Variants in OR1F1 observed in about 807,000 individuals in gnomAD.
OR1F1 encodes olfactory receptor family 1 subfamily F member 1.
For synonymous variants in OR1F1, 184 were observed against 156.7 expected, an observed-to-expected ratio of 1.17 and a Z score of -1.30; for missense variants, 493 against 376.3, an observed-to-expected ratio of 1.31 and a Z score of -2.57.
chr16:3,195,923 A>C, the OR1F1 span, among the ~76,000 whole-genome samples: 1 of 152,204 alleles, frequency 6.6e-6, no homozygotes, highest in Non-Finnish European at 1.5e-5. Context: ...CTGGGTGCGC[A>C]GCCCCACCAG....
downstream of OR1F1, chr16:3,205,251 G>C (rs964185492): frequency 5.3e-6 from 6 of 1,138,572 alleles, no homozygotes; most frequent in Non-Finnish European, 2.5e-6. Context: ...GTTTAATGCA[G>C]TAGTTGTTTC....
the OR1F1 span, among the ~76,000 whole-genome samples, chr16:3,193,334 C>A: frequency 6.6e-6 from 1 of 152,354 alleles, no homozygotes; most frequent in East Asian, 1.9e-4. Flanking sequence ...CACCGACGCA[C>A]CCAGCCCGAG....
downstream of OR1F1, chr16:3,205,239 G>C: frequency 7.6e-7 from 1 of 1,315,084 alleles, no homozygotes; most frequent in Non-Finnish European, 1.1e-6. Context: ...TTCACCAATT[G>C]AGTTTAATGC....
the OR1F1 span, among the ~76,000 whole-genome samples, chr16:3,196,685 G>A: frequency 6.6e-6 from 1 of 150,984 alleles, no homozygotes; most frequent in East Asian, 2.0e-4. Context: ...ACCACGACTG[G>A]CGGTGAAATT....
upstream of OR1F1, among the ~76,000 whole-genome samples, chr16:3,201,611 C>T (rs565086107): frequency 4.5e-4 from 68 of 152,272 alleles, no homozygotes; most frequent in Middle Eastern, 6.8e-3. Context: ...GCTGATGATC[C>T]AGAATGATGA....
chr16:3,192,430 G>T, the OR1F1 span, among the ~76,000 whole-genome samples: 10 of 152,210 alleles, frequency 6.6e-5, no homozygotes, highest in African/African-American at 2.4e-4. Flanking sequence ...GGATTTCTCT[G>T]CTTCAATTTA....
At position 3,204,444 on chromosome 16, in the gene OR1F1, G is replaced by C. The variant is rs143258202; in HGVS notation, c.198G>C (p.Leu66=). The change falls in exon 1 of 1, where the codon CTG becomes CTC. Residue 66 remains leucine (L), a synonymous_variant. Transcript: ENST00000304646. Reference sequence around the variant, plus strand: ...CCATGTACTTCTTCCTCAGCAACCTGTCTTTTGTGGACATCTGCTTCTCCT... The same window carrying C: ...CCATGTACTTCTTCCTCAGCAACCTCTCTTTTGTGGACATCTGCTTCTCCT... 32 of 1,614,122 alleles carry C rather than the reference G, an allele frequency of 2.0e-5. No homozygotes were observed. The African/African-American group carries it at 2.5e-4, about 13-fold the overall frequency.
the OR1F1 span, among the ~76,000 whole-genome samples, chr16:3,189,111 C>T: frequency 6.6e-6 from 1 of 152,194 alleles, no homozygotes; most frequent in African/African-American, 2.4e-5. Context: ...TTTGGCTTCC[C>T]TGGGGAGAAG....
At chr16:3,198,302 A>G in the OR1F1 span, among the ~76,000 whole-genome samples, 1 of 152,272 alleles carries the variant, frequency 6.6e-6, no homozygotes, top group South Asian at 2.1e-4. Context: ...GCTAGCAGGC[A>G]GGAGGCCCAG....
At chr16:3,192,519 C>T in the OR1F1 span, among the ~76,000 whole-genome samples, 2 of 152,290 alleles carry the variant, frequency 1.3e-5, no homozygotes, top group East Asian at 1.9e-4. Context: ...TCTGAGGTCC[C>T]GGAAGCCTCA....
upstream of OR1F1, chr16:3,204,210 CTTCT>C (rs753890209): frequency 6.7e-7 from 1 of 1,497,630 alleles, no homozygotes; most frequent in South Asian, 1.3e-5. Flanking sequence ...TGCATTTCGT[CTTCT>C]TTGTCTGCCT....
At chr16:3,189,363 G>C in the OR1F1 span, among the ~76,000 whole-genome samples, 1 of 151,714 alleles carries the variant, frequency 6.6e-6, no homozygotes, top group Non-Finnish European at 1.5e-5. Flanking sequence ...CCTCGGAGAC[G>C]CCGAATCCCC....
the OR1F1 span, among the ~76,000 whole-genome samples, chr16:3,198,204 A>G: frequency 6.6e-6 from 1 of 151,982 alleles, no homozygotes; most frequent in African/African-American, 2.4e-5. Flanking sequence ...TGGCTCACGC[A>G]GATGGAGGCT....
upstream of OR1F1, among the ~76,000 whole-genome samples, chr16:3,200,443 C>T (rs981514386): frequency 2.6e-5 from 4 of 152,118 alleles, no homozygotes; most frequent in East Asian, 1.9e-4. Flanking sequence ...TCTGTCTCTA[C>T]TAAAAATACA....
At chr16:3,205,745 T>C (rs1477795538), downstream of OR1F1, among the ~76,000 whole-genome samples, 1 of 152,232 alleles carries the variant, frequency 6.6e-6, no homozygotes, top group African/African-American at 2.4e-5. Flanking sequence ...TTAACACTTA[T>C]AATTTCTCAT....
At chr16:3,188,777 G>T in the OR1F1 span, among the ~76,000 whole-genome samples, 6 of 152,242 alleles carry the variant, frequency 3.9e-5, no homozygotes, top group African/African-American at 1.4e-4. Flanking sequence ...TGGATACAGG[G>T]AAGGGCAGAG....
exon 1 of OR1F1, chr16:3,204,834 G>A (rs749328748): frequency 1.9e-6 from 3 of 1,613,962 alleles, no homozygotes; most frequent in Non-Finnish European, 2.5e-6. Context: ...ACCTCAATGA[G>A]GTCATAATCC....
At chr16:3,204,249 G>A in exon 1 of OR1F1, 2 of 1,594,348 alleles carry the variant, frequency 1.3e-6, no homozygotes, top group Non-Finnish European at 1.7e-6. Context: ...CCAGGCCCAT[G>A]AGCGGGACAA....
At chr16:3,197,181 T>C in the OR1F1 span, among the ~76,000 whole-genome samples, 13,175 of 151,450 alleles carry the variant, frequency 0.087, 1,905 homozygotes, top group African/African-American at 0.3. Flanking sequence ...TGGCATTTTT[T>C]TTTTTTTTTG....
Sources: allele counts gnomAD v4.1 joint callset (sites outside exome capture counted in the v4.1 genomes callset), GRCh38; gene constraint gnomAD v4.1.1; transcripts MANE v1.5; gene names NCBI Gene and HGNC (gene_info 2026-07-23, HGNC 2026-07-21).